Variants in MYO3B observed in about 807,000 individuals in gnomAD.
The protein encoded by MYO3B is myosin-IIIb.
Under a neutral mutation model 174.6 loss-of-function variants are expected in MYO3B, and 156 were observed. The ratio of observed to expected loss-of-function variants is 0.89; its 90% CI spans 0.78 to 1.02. The LOEUF (loss-of-function observed/expected upper bound fraction) is 1.02. Ranked by LOEUF, MYO3B falls within the 50% of genes least tolerant of loss-of-function variation. MYO3B has a pLI of 0.00. For missense variants in MYO3B, 1,632 were observed against 1,639.4 expected (o/e 1.00, Z 0.08); for synonymous variants, 563 against 569.1 (o/e 0.99, Z 0.15).
intron 23 of MYO3B, among the ~76,000 whole-genome samples, chr2:170,449,296 G>T (rs530776028): frequency 2.7e-4 from 41 of 152,230 alleles, no homozygotes; most frequent in African/African-American, 8.9e-4. Context: ...CTCCAGTTGT[G>T]CCCTGTTACA....
At chr2:170,371,522 C>T (rs928868465) in intron 9 of MYO3B, among the ~76,000 whole-genome samples, 3 of 152,060 alleles carry the variant, frequency 2.0e-5, no homozygotes, top group Admixed American at 6.6e-5. Context: ...ACACAGTGCA[C>T]GTAATTGACA....
chr2:170,262,322 C>G (rs140218486), intron 7 of MYO3B, among the ~76,000 whole-genome samples: 35 of 152,220 alleles, frequency 2.3e-4, no homozygotes, highest in African/African-American at 7.9e-4. Flanking sequence ...AGATGGTTAC[C>G]TTGAGAACAG....
At chr2:170,323,152 G>T (rs1403695373) in intron 7 of MYO3B, among the ~76,000 whole-genome samples, 2 of 152,178 alleles carry the variant, frequency 1.3e-5, no homozygotes, top group Non-Finnish European at 2.9e-5. Flanking sequence ...AGGACAAATG[G>T]TGCTTGTTGA....
chr2:170,501,744 T>G (rs576013536), intron 27 of MYO3B, 41 bp from the exon 28 acceptor site: 1 of 1,400,122 alleles, frequency 7.1e-7, no homozygotes, highest in South Asian at 1.2e-5. Context: ...GGCACGTTCT[T>G]AAATTAATGT....
chr2:170,348,132 A>G (rs1037904680), intron 8 of MYO3B: 3 of 152,242 alleles, frequency 2.0e-5, no homozygotes, highest in Non-Finnish European at 2.9e-5. Context: ...ATTTCTGTGA[A>G]AAAATTAAAG....
At chr2:170,244,619 G>T (rs1351784207) in intron 7 of MYO3B, among the ~76,000 whole-genome samples, 3 of 152,212 alleles carry the variant, frequency 2.0e-5, no homozygotes, top group Non-Finnish European at 4.4e-5. Flanking sequence ...GAAGAGGGCA[G>T]AGCCTGCAGA....
At chr2:170,276,732 T>G (rs1345020938) in intron 7 of MYO3B, among the ~76,000 whole-genome samples, 1 of 152,178 alleles carries the variant, frequency 6.6e-6, no homozygotes, top group African/African-American at 2.4e-5. Context: ...TCTTGTAAAT[T>G]TAATTCTTTG....
At chr2:170,500,106 A>C (rs923171551) in intron 27 of MYO3B, among the ~76,000 whole-genome samples, 7 of 152,186 alleles carry the variant, frequency 4.6e-5, no homozygotes, top group African/African-American at 1.7e-4. Flanking sequence ...CCGTGTCCTG[A>C]AGATTTGATA....
chr2:170,580,366 A>T (rs1042388883), intron 32 of MYO3B, among the ~76,000 whole-genome samples: 1 of 152,246 alleles, frequency 6.6e-6, no homozygotes, highest in African/African-American at 2.4e-5. Flanking sequence ...GGCCAGGCAC[A>T]GTGGCTCATG....
Position 170,501,812 on chromosome 2 carries a change from A to G in MYO3B, c.3317A>G (p.Lys1106Arg). The change falls in exon 28 of 35, where the codon AAA becomes AGA. Residue 1106 changes from lysine to arginine, a missense_variant. Lys to Arg is a conservative substitution (Grantham distance 26). Coordinates refer to ENST00000408978, the MANE Select transcript of MYO3B (RefSeq NM_138995.5). ...TGGAGAGGATATGATGCTCGGAGGAAATTTAAGAAAATAAGCAACAGAAGG... is the reference window on the plus strand; with the variant it reads ...TGGAGAGGATATGATGCTCGGAGGAGATTTAAGAAAATAAGCAACAGAAGG... ...SAWRGYDARR[K>R]FKKISNRRNE... 1 of 1,612,922 alleles carries G rather than the reference A, an allele frequency of 6.2e-7. No homozygotes were observed. Among genetic ancestry groups the G allele is most frequent in the South Asian group, 1.1e-5 (1 of 91,004 alleles).
chr2:170,211,941 T>C (rs2092774661), intron 3 of MYO3B, among the ~76,000 whole-genome samples: 1 of 130,578 alleles, frequency 7.7e-6, no homozygotes, highest in South Asian at 2.5e-4. Context: ...AAATGTTTTC[T>C]TAAAAAAAAA....
Position 170,219,684 on chromosome 2 carries a change from A to G in MYO3B, c.603+2289A>G, listed in dbSNP as rs563822824. ...ATCTGTTGAATGAATGAATGCATCC[A>G]TCTGTAAGAAAGCCAAAGGGATAAG... is the stretch of plus-strand genomic sequence containing the variant. On this transcript the variant is annotated intron_variant, in intron 6 of 34. Coordinates refer to ENST00000408978, the MANE Select transcript of MYO3B (RefSeq NM_138995.5). 4.6e-5 allele frequency among the ~76,000 whole-genome samples: 7 copies of G among 152,158 alleles called. No individual in the cohort carries two copies. In the East Asian group the frequency reaches 1.4e-3, roughly 29 times the overall value.
chr2:170,420,112 C>A (rs574446293), intron 22 of MYO3B, among the ~76,000 whole-genome samples: 1 of 151,968 alleles, frequency 6.6e-6, no homozygotes, highest in Admixed American at 6.6e-5. Flanking sequence ...GAACAGGACC[C>A]GGGATGCGGA....
At chr2:170,390,392 C>G (rs2094404009) in intron 14 of MYO3B, among the ~76,000 whole-genome samples, 2 of 152,218 alleles carry the variant, frequency 1.3e-5, no homozygotes, top group Non-Finnish European at 2.9e-5. Flanking sequence ...CTCACCACTG[C>G]ACTCCAGCCT....
chr2:170,463,369 T>C lies in MYO3B; in HGVS notation c.2732T>C (p.Val911Ala). 6.2e-7 allele frequency: 1 copy of C among 1,613,388 alleles called. No individual in the cohort carries two copies. Among genetic ancestry groups the C allele is most frequent in the Non-Finnish European group, 8.5e-7 (1 of 1,179,860 alleles). Residue 911 changes from valine to alanine, a missense_variant and splice_region_variant, in exon 24 of 35, where the codon GTG becomes GCG. Transcript: ENST00000408978. ...PPHFSAGKAKVDTLEVIRHPE... is the reference protein window; with the variant it reads ...PPHFSAGKAKADTLEVIRHPE... ...ACTTGCCTCCACCTATGCTTCCAGG[T>C]GGACACTCTGGAGGTGATACGGCAT... is the stretch of plus-strand genomic sequence containing the variant.
chr2:170,498,276 G>A lies in MYO3B; in HGVS notation c.3015-316G>A, dbSNP rs6732597. On this transcript the variant is annotated intron_variant, in intron 25 of 34. Coordinates refer to ENST00000408978, the MANE Select transcript of MYO3B (RefSeq NM_138995.5). ...ATATTTAGGAGTATTACTTTCACTA[G>A]GAGAGTTGTCTAAATTTCAGCTTTC... Among the ~76,000 whole-genome samples, 192 of 152,230 alleles carry A rather than the reference G, an allele frequency of 1.3e-3. 4 individuals are homozygous for A. The highest frequency in any genetic ancestry group is 0.011 in the Admixed American group (163 of 15,294).
At position 170,393,538 on chromosome 2, in the gene MYO3B, A is replaced by G. The variant is rs544487109; in HGVS notation, c.1791+1043A>G. 1.9e-3 allele frequency among the ~76,000 whole-genome samples: 296 copies of G among 152,314 alleles called. 1 individual carries two copies. Among genetic ancestry groups the G allele is most frequent in the African/African-American group, 6.8e-3 (283 of 41,576 alleles). ...CTTCATGCCATCAATTTTGCAAAAT[A>G]TATAGATTCTTTTGCTTTTCCAACA... is the stretch of plus-strand genomic sequence containing the variant. On this transcript the variant is annotated intron_variant, in intron 16 of 34. Transcript: ENST00000408978.
At chr2:170,441,256 A>G (rs1377951388) in intron 22 of MYO3B, among the ~76,000 whole-genome samples, 3 of 152,190 alleles carry the variant, frequency 2.0e-5, no homozygotes, top group Admixed American at 6.5e-5. Flanking sequence ...GATGCCTTTC[A>G]TTTCTTTTCC....
Position 170,498,650 on chromosome 2 carries a change from G to A in MYO3B, c.3073G>A (p.Val1025Met). 1.2e-6 allele frequency: 2 copies of A among 1,614,130 alleles called. No individual in the cohort carries two copies. The highest frequency in any genetic ancestry group is 1.7e-6 in the Non-Finnish European group (2 of 1,179,996). ...QTPLASKESC[V>M]AILEKSRLDH... ...ACCTCTTGCTAGCAAAGAGAGCTGT[G>A]TGGCTATCTTGGAAAAGTCCAGATT... Residue 1025 changes from valine (V) to methionine (M), a missense_variant, in exon 26 of 35, where the codon GTG becomes ATG. Coordinates refer to ENST00000408978, the MANE Select transcript of MYO3B (RefSeq NM_138995.5).
Sources: allele counts gnomAD v4.1 joint callset (sites outside exome capture counted in the v4.1 genomes callset), GRCh38; gene constraint gnomAD v4.1.1; transcripts MANE v1.5; gene names NCBI Gene and HGNC (gene_info 2026-07-23, HGNC 2026-07-21).